Variants in VPS13B observed in about 807,000 individuals in gnomAD.
The protein encoded by VPS13B is intermembrane lipid transfer protein VPS13B.
Under a neutral mutation model 426.4 loss-of-function variants are expected in VPS13B, and 285 were observed. The observed-to-expected ratio is 0.67, with a 90% CI of 0.61 to 0.74. The LOEUF (loss-of-function observed/expected upper bound fraction) is 0.74. Among genes scored for constraint, VPS13B ranks in the 30% least tolerant of loss-of-function variants. VPS13B has a pLI of 0.00. For missense variants in VPS13B, 4,537 were observed against 4,782.6 expected, an observed-to-expected ratio of 0.95 and a Z score of 1.51; for synonymous variants, 1,676 against 1,676.4, an observed-to-expected ratio of 1.00 and a Z score of 0.01.
chr8:99,688,133 C>CTTTTTT (rs1307921649), intron 35 of VPS13B, among the ~76,000 whole-genome samples: 2 of 113,088 alleles, frequency 1.8e-5, no homozygotes, highest in East Asian at 2.6e-4. Context: ...TCCTTGCTTG[C>CTTTTTT]TTTTTTTTTT....
intron 14 of VPS13B, among the ~76,000 whole-genome samples, chr8:99,155,150 A>G (rs1459446353): frequency 1.3e-5 from 2 of 152,116 alleles, no homozygotes; most frequent in Non-Finnish European, 2.9e-5. Context: ...TGGAAAAAAT[A>G]TACCATTTGA....
At chr8:99,615,222 GTTA>G (rs1378550346) in intron 33 of VPS13B, among the ~76,000 whole-genome samples, 2 of 151,504 alleles carry the variant, frequency 1.3e-5, no homozygotes, top group East Asian at 3.9e-4. Context: ...TTACTCATGT[GTTA>G]TTATTATAAG....
At chr8:99,242,396 T>C (rs1816979568) in intron 17 of VPS13B, among the ~76,000 whole-genome samples, 1 of 152,262 alleles carries the variant, frequency 6.6e-6, no homozygotes, top group South Asian at 2.1e-4. Flanking sequence ...TTTTAGACAT[T>C]GCTCAACAAG....
intron 30 of VPS13B, among the ~76,000 whole-genome samples, chr8:99,556,028 AC>A (rs1288186291): frequency 1.3e-5 from 2 of 152,110 alleles, no homozygotes; most frequent in Non-Finnish European, 2.9e-5. Context: ...AAACAAACAA[AC>A]AAAAAACCCT....
chr8:99,126,882 C>G (rs1247385066), intron 8 of VPS13B, among the ~76,000 whole-genome samples: 3 of 152,004 alleles, frequency 2.0e-5, no homozygotes, highest in African/African-American at 7.2e-5. Flanking sequence ...TCACTTGAGC[C>G]CAGGAATTCC....
chr8:99,054,436 T>C (rs1843726320), intron 3 of VPS13B, among the ~76,000 whole-genome samples: 1 of 152,262 alleles, frequency 6.6e-6, no homozygotes, highest in African/African-American at 2.4e-5. Flanking sequence ...TAAGAGTTCC[T>C]TTTGTATTCA....
At chr8:99,469,630 C>T (rs1819296904) in intron 24 of VPS13B, among the ~76,000 whole-genome samples, 1 of 152,070 alleles carries the variant, frequency 6.6e-6, no homozygotes, top group Non-Finnish European at 1.5e-5. Context: ...AGTGCTGCTG[C>T]TAATGGTTGC....
chr8:99,296,693 A>G (rs994787801), intron 19 of VPS13B, among the ~76,000 whole-genome samples: 12 of 152,186 alleles, frequency 7.9e-5, no homozygotes, highest in Admixed American at 2.0e-4. Flanking sequence ...GAGGTAATTA[A>G]GTCACAAGGG....
chr8:99,355,115 A>C (rs1464208827), intron 19 of VPS13B, among the ~76,000 whole-genome samples: 1 of 152,140 alleles, frequency 6.6e-6, no homozygotes, highest in Non-Finnish European at 1.5e-5. Context: ...CATTTAGGGC[A>C]AGGAAAAGGT....
intron 19 of VPS13B, among the ~76,000 whole-genome samples, chr8:99,327,149 A>G (rs543265113): frequency 1.3e-5 from 2 of 152,266 alleles, no homozygotes; most frequent in South Asian, 4.1e-4. Context: ...TACATGTAAA[A>G]TAATTGTGTG....
At chr8:99,467,764 G>A in intron 24 of VPS13B, 130 bp downstream of exon 24, 1 of 980,746 alleles carries the variant, frequency 1.0e-6, no homozygotes, top group Non-Finnish European at 1.5e-6. Flanking sequence ...ATCAAGATCA[G>A]GGTGGTTAGA....
intron 19 of VPS13B, among the ~76,000 whole-genome samples, chr8:99,352,738 C>T (rs2133215280): frequency 6.6e-6 from 1 of 151,584 alleles, no homozygotes; most frequent in East Asian, 2.0e-4. Flanking sequence ...GCCATAGAAT[C>T]GCTTGAACCC....
intron 21 of VPS13B, among the ~76,000 whole-genome samples, chr8:99,412,397 T>C (rs577474697): frequency 6.6e-6 from 1 of 152,228 alleles, no homozygotes; most frequent in African/African-American, 2.4e-5. Context: ...ATAGGAATGC[T>C]TGTGATTTTT....
intron 22 of VPS13B, among the ~76,000 whole-genome samples, chr8:99,435,036 G>C (rs1225846196): frequency 6.6e-6 from 1 of 152,228 alleles, no homozygotes; most frequent in Non-Finnish European, 1.5e-5. Context: ...GGAGTATACT[G>C]TAGGGAGCCC....
At chr8:99,468,724 C>G (rs1244516796) in intron 24 of VPS13B, among the ~76,000 whole-genome samples, 1 of 152,074 alleles carries the variant, frequency 6.6e-6, no homozygotes, top group Non-Finnish European at 1.5e-5. Flanking sequence ...GACTCTTTCT[C>G]TTAAAATTTT....
chr8:99,143,437 T>A (rs1384961351), intron 13 of VPS13B, among the ~76,000 whole-genome samples: 1 of 152,160 alleles, frequency 6.6e-6, no homozygotes, highest in Non-Finnish European at 1.5e-5. Flanking sequence ...AGTGGATACT[T>A]GTGAATATGA....
chr8:99,309,729 G>C (rs560020523), intron 19 of VPS13B, among the ~76,000 whole-genome samples: 1 of 152,106 alleles, frequency 6.6e-6, no homozygotes, highest in South Asian at 2.1e-4. Context: ...AAAGTCATCC[G>C]TAGCTTGATG....
At chr8:99,643,540 A>G (rs904914045) in intron 34 of VPS13B, among the ~76,000 whole-genome samples, 15 of 152,128 alleles carry the variant, frequency 9.9e-5, no homozygotes, top group Non-Finnish European at 2.1e-4. Context: ...CCCCTGCTTT[A>G]AGAAAGGGGT....
intron 44 of VPS13B, among the ~76,000 whole-genome samples, chr8:99,812,162 T>G (rs537913607): frequency 6.6e-6 from 1 of 152,316 alleles, no homozygotes; most frequent in East Asian, 1.9e-4. Context: ...TTTTACCTCT[T>G]CCCTGCCCCC....
Sources: gnomAD v4.1 joint callset for allele counts (sites outside exome capture counted in the v4.1 genomes callset) on GRCh38, gnomAD v4.1.1 for gene constraint, MANE v1.5 for transcripts, NCBI Gene and HGNC (gene_info 2026-07-23, HGNC 2026-07-21) for gene names.